The following UBAP1 variants were observed in gnomAD, a reference collection of about 807,000 sequenced individuals.
The protein encoded by UBAP1 is ubiquitin associated protein 1.
Under a neutral mutation model 39.0 loss-of-function variants are expected in UBAP1, and 5 were observed. That is an observed-to-expected ratio of 0.13 (90% CI 0.07 to 0.27). The LOEUF (loss-of-function observed/expected upper bound fraction) is 0.27, where lower values mean the gene tolerates loss of function less well. UBAP1 is among the 10% of genes least tolerant of loss of function. The pLI is 1.00. For missense variants in UBAP1, 490 were observed against 608.1 expected (o/e 0.81, Z 2.04); for synonymous variants, 211 against 225.1 (o/e 0.94, Z 0.56).
intron 2 of UBAP1, among the ~76,000 whole-genome samples, chr9:34,230,557 C>T (rs1242204824): frequency 1.3e-5 from 2 of 152,142 alleles, no homozygotes; most frequent in African/African-American, 4.8e-5. Context: ...CTTTCAATAA[C>T]ATTTGAGTCC....
chr9:34,215,409 T>C (rs984976143), intron 1 of UBAP1, among the ~76,000 whole-genome samples: 5 of 152,010 alleles, frequency 3.3e-5, no homozygotes, highest in African/African-American at 1.2e-4. Flanking sequence ...GATTGGAGAC[T>C]GTTCTAAGTA....
chr9:34,218,165 T>C (rs1024933178), intron 1 of UBAP1, among the ~76,000 whole-genome samples: 5 of 144,802 alleles, frequency 3.5e-5, no homozygotes, highest in African/African-American at 1.3e-4. Flanking sequence ...GGCAGGAGAA[T>C]GGCTTGAACC....
At chr9:34,231,711 C>G (rs1427020833) in intron 2 of UBAP1, among the ~76,000 whole-genome samples, 1 of 151,434 alleles carries the variant, frequency 6.6e-6, no homozygotes, top group Non-Finnish European at 1.5e-5. Context: ...GTGGTGCGAT[C>G]TTGACTCACT....
chr9:34,207,505 AGTATT>A (rs1831777454), intron 1 of UBAP1, among the ~76,000 whole-genome samples: 1 of 151,588 alleles, frequency 6.6e-6, no homozygotes, highest in African/African-American at 2.4e-5. Context: ...CCCGCTCAAG[AGTATT>A]GTATGTTTTT....
chr9:34,239,433 C>T (rs180714192), intron 3 of UBAP1, among the ~76,000 whole-genome samples: 7 of 152,226 alleles, frequency 4.6e-5, no homozygotes, highest in South Asian at 2.1e-4. Context: ...GAGCTCTAGA[C>T]AGATGGCTTG....
chr9:34,228,245 C>T (rs1451683492), intron 2 of UBAP1, among the ~76,000 whole-genome samples: 2 of 151,598 alleles, frequency 1.3e-5, no homozygotes, highest in Non-Finnish European at 2.9e-5. Context: ...GGTGAAACCC[C>T]ATCTCTACTA....
intron 1 of UBAP1, among the ~76,000 whole-genome samples, chr9:34,197,369 G>A (rs1464933235): frequency 6.7e-6 from 1 of 149,656 alleles, no homozygotes; most frequent in Non-Finnish European, 1.5e-5. Context: ...TCAAACAGCC[G>A]GGGCTCAAGC....
chr9:34,187,622 A>G (rs1830474534), intron 1 of UBAP1, among the ~76,000 whole-genome samples: 1 of 152,032 alleles, frequency 6.6e-6, no homozygotes, highest in African/African-American at 2.4e-5. Context: ...ATTTTTTTTG[A>G]TGTCTAGTTT....
At chr9:34,203,174 G>T (rs1831497407) in intron 1 of UBAP1, among the ~76,000 whole-genome samples, 1 of 152,070 alleles carries the variant, frequency 6.6e-6, no homozygotes, top group African/African-American at 2.4e-5. Flanking sequence ...GCTAGGTGTG[G>T]TGGTACATTC....
intron 2 of UBAP1, among the ~76,000 whole-genome samples, chr9:34,229,976 A>G (rs2131599267): frequency 6.6e-6 from 1 of 152,140 alleles, no homozygotes; most frequent in East Asian, 1.9e-4. Flanking sequence ...CGCTGGCCTC[A>G]TATCTTTAGC....
chr9:34,200,945 T>C (rs1203124986), intron 1 of UBAP1, among the ~76,000 whole-genome samples: 1 of 152,154 alleles, frequency 6.6e-6, no homozygotes, highest in Non-Finnish European at 1.5e-5. Flanking sequence ...GTTTCGCTCT[T>C]GTTGCCCAGG....
At chr9:34,231,785 C>CA (rs1833435739) in intron 2 of UBAP1, among the ~76,000 whole-genome samples, 1 of 152,124 alleles carries the variant, frequency 6.6e-6, no homozygotes, top group Admixed American at 6.6e-5. Context: ...GCTGGGACTA[C>CA]AGGCGCCCCC....
intron 3 of UBAP1, among the ~76,000 whole-genome samples, chr9:34,237,504 GA>G (rs1390717849): frequency 2.6e-5 from 4 of 151,570 alleles, no homozygotes; most frequent in African/African-American, 7.3e-5. Context: ...ACTTTTGGGA[GA>G]AAAAAAATAT....
At chr9:34,199,144 G>A (rs996440383) in intron 1 of UBAP1, among the ~76,000 whole-genome samples, 1 of 152,108 alleles carries the variant, frequency 6.6e-6, no homozygotes, top group Non-Finnish European at 1.5e-5. Flanking sequence ...TGCGATTTCG[G>A]CTCACTGCAA....
chr9:34,218,127 C>G (rs894522494), intron 1 of UBAP1, among the ~76,000 whole-genome samples: 3 of 150,452 alleles, frequency 2.0e-5, no homozygotes, highest in African/African-American at 4.9e-5. Context: ...TGGCGGGGGC[C>G]TGTAGTCCCA....
chr9:34,241,831 C>G lies in UBAP1; in HGVS notation c.806C>G (p.Pro269Arg). 1 of 1,614,118 alleles carries G rather than the reference C, an allele frequency of 6.2e-7. No homozygotes were observed. The highest frequency in any genetic ancestry group is 8.5e-7 in the Non-Finnish European group (1 of 1,180,024). The change falls in exon 4 of 7, where the codon CCC becomes CGC. Residue 269 changes from proline to arginine, a missense_variant. By Grantham distance (103) the Pro-to-Arg change is moderately radical. Transcript: ENST00000297661. ...AGCAATATCAAATCCCTGTCTTTCC[C>G]CAAACTTGACTCTGATGACAGCAAT... ...AVSNIKSLSF[P>R]KLDSDDSNQK...
At chr9:34,185,746 T>A (rs1399215490) in intron 1 of UBAP1, among the ~76,000 whole-genome samples, 2 of 151,958 alleles carry the variant, frequency 1.3e-5, no homozygotes, top group Admixed American at 6.6e-5. Flanking sequence ...CTCAGGAGGC[T>A]GAGGCAGGAG....
chr9:34,240,666 T>G (rs1833909936), intron 3 of UBAP1, among the ~76,000 whole-genome samples: 1 of 152,230 alleles, frequency 6.6e-6, no homozygotes, highest in Non-Finnish European at 1.5e-5. Context: ...TTCATCATAA[T>G]CTAATAGATA....
rs1318607422 is a variant in UBAP1 at position 34,183,775 on chromosome 9, G to T, written c.-8+4535G>T. On this transcript the variant is annotated intron_variant, in intron 1 of 6. Transcript: ENST00000297661. The stretch of plus-strand genomic sequence containing the variant: ...ATTTCTTTTTTTTTGTTTGTTTTTT[G>T]TTTTTTTTTTTTGAAACGGAGCTTT... 1.2e-3 allele frequency among the ~76,000 whole-genome samples: 173 copies of T among 139,484 alleles called. 1 individual carries two copies. The highest frequency in any genetic ancestry group is 4.2e-3 in the African/African-American group (161 of 38,352). 91.5% of individuals were successfully genotyped at this position (139,484 alleles called of 152,430 possible). A position where few individuals can be genotyped will look rare whatever the true frequency, so the allele number is the denominator to read the frequency against.
Sources: allele counts gnomAD v4.1 joint callset (sites outside exome capture counted in the v4.1 genomes callset), GRCh38; gene constraint gnomAD v4.1.1; transcripts MANE v1.5; gene names NCBI Gene and HGNC (gene_info 2026-07-23, HGNC 2026-07-21).